GLIS1: variants seen among roughly 807,000 people sequenced by gnomAD.
GLIS1 encodes zinc finger protein GLIS1.
A neutral mutation model predicts 63.8 loss-of-function variants in GLIS1; 24 were observed. The observed-to-expected ratio is 0.38, with a 90% CI of 0.27 to 0.53. GLIS1 has a LOEUF of 0.53. Among genes scored for constraint, GLIS1 ranks in the 20% least tolerant of loss-of-function variants. GLIS1 has a pLI of 0.85. For synonymous variants in GLIS1, 450 were observed against 482.5 expected (o/e 0.93, Z 0.88); for missense variants, 1,036 against 1,074.1 (o/e 0.96, Z 0.50).
chr1:53,512,663 G>A (rs1048653403), intron 8 of GLIS1, among the ~76,000 whole-genome samples: 3 of 152,156 alleles, frequency 2.0e-5, no homozygotes, highest in Admixed American at 6.5e-5. Context: ...AGCTGGACCC[G>A]AGGCTCCTAC....
chr1:53,594,232 C>T lies in GLIS1; in HGVS notation c.1196G>A (p.Arg399His), dbSNP rs761232530. The change falls in exon 4 of 11, where the codon CGC becomes CAC. Residue 399 changes from arginine to histidine, a missense_variant. Physicochemically the swap from Arg to His is conservative, Grantham distance 29 (BLOSUM62 0). Coordinates refer to ENST00000628545, the MANE Select transcript of GLIS1 (RefSeq NM_001367484.1). ...RHIEKSHIDQ[R>H]KGEDFTCFWA... Reference sequence around the variant, plus strand: ...GAAGCAGGTGAAGTCCTCGCCCTTGCGCTGGTCGATGTGGCTCTTCTCGAT... The same window carrying T: ...GAAGCAGGTGAAGTCCTCGCCCTTGTGCTGGTCGATGTGGCTCTTCTCGAT... The T allele has an allele frequency of 2.1e-5, 34 of 1,613,762 alleles. No homozygotes were observed. In the Admixed American group the frequency reaches 2.3e-4, roughly 11 times the overall value.
intron 10 of GLIS1, among the ~76,000 whole-genome samples, chr1:53,507,186 C>T (rs2100238257): frequency 6.6e-6 from 1 of 152,320 alleles, no homozygotes; most frequent in East Asian, 1.9e-4. Context: ...ATCCCCCAAC[C>T]AGACTCAAGA....
At chr1:53,641,057 A>G (rs1645782222) in intron 2 of GLIS1, among the ~76,000 whole-genome samples, 1 of 152,148 alleles carries the variant, frequency 6.6e-6, no homozygotes, top group African/African-American at 2.4e-5. Flanking sequence ...AATGTAGAAA[A>G]GGGCCCATAC....
intron 2 of GLIS1, among the ~76,000 whole-genome samples, chr1:53,665,071 C>T (rs917871575): frequency 7.2e-5 from 11 of 151,920 alleles, no homozygotes; most frequent in African/African-American, 2.4e-4. Context: ...TGGAGGGTTC[C>T]GAGAGAGCCT....
chr1:53,533,016 G>C (rs1282418303), intron 4 of GLIS1, among the ~76,000 whole-genome samples: 1 of 152,274 alleles, frequency 6.6e-6, no homozygotes, highest in African/African-American at 2.4e-5. Context: ...CTCCACGCGT[G>C]ATCTGCAGGA....
intron 10 of GLIS1, among the ~76,000 whole-genome samples, chr1:53,507,023 G>A (rs540958424): frequency 1.2e-4 from 18 of 152,246 alleles, no homozygotes; most frequent in Admixed American, 7.2e-4. Flanking sequence ...AGACAGGCAC[G>A]GGGTTGACTC....
intron 2 of GLIS1, among the ~76,000 whole-genome samples, chr1:53,662,018 T>G (rs1646034200): frequency 6.6e-6 from 1 of 151,684 alleles, no homozygotes; most frequent in Non-Finnish European, 1.5e-5. Context: ...AGGGAGGGAG[T>G]GAGCTTCCTA....
intron 2 of GLIS1, among the ~76,000 whole-genome samples, chr1:53,693,002 T>A (rs1304490626): frequency 6.6e-6 from 1 of 152,182 alleles, no homozygotes; most frequent in African/African-American, 2.4e-5. Context: ...TCCATGTCCA[T>A]CTTTTCTGAA....
intron 2 of GLIS1, among the ~76,000 whole-genome samples, chr1:53,644,917 T>C (rs1048754056): frequency 6.6e-6 from 1 of 152,230 alleles, no homozygotes; most frequent in East Asian, 1.9e-4. Flanking sequence ...CTGTCTCGCT[T>C]ATTTGTTGGT....
intron 2 of GLIS1, among the ~76,000 whole-genome samples, chr1:53,628,377 A>T (rs1645618122): frequency 6.6e-6 from 1 of 152,136 alleles, no homozygotes; most frequent in African/African-American, 2.4e-5. Flanking sequence ...CAGCACCCTG[A>T]ACACCAGCAT....
At chr1:53,546,196 G>A (rs7523635) in intron 4 of GLIS1, among the ~76,000 whole-genome samples, 83,510 of 152,188 alleles carry the variant, frequency 0.55, 23,781 homozygotes, top group Middle Eastern at 0.64. Flanking sequence ...GAGGAGGCAG[G>A]GGGCTGGTGT....
At chr1:53,631,911 G>A (rs553271228) in intron 2 of GLIS1, among the ~76,000 whole-genome samples, 3 of 152,212 alleles carry the variant, frequency 2.0e-5, no homozygotes, top group Non-Finnish European at 4.4e-5. Flanking sequence ...TGTGGAGCAA[G>A]CCATAGAGCA....
intron 2 of GLIS1, among the ~76,000 whole-genome samples, chr1:53,686,734 G>C (rs1646340743): frequency 6.6e-6 from 1 of 151,900 alleles, no homozygotes; most frequent in Non-Finnish European, 1.5e-5. Flanking sequence ...CTCCAGCCAA[G>C]AAAAGAGTGA....
rs369635674 is a variant in GLIS1, at chr1:53,690,647, CAGGGCA to C, written c.259+47153_259+47158del. 4.5e-3 allele frequency among the ~76,000 whole-genome samples: 692 copies of C among 152,314 alleles called. 1 individual carries two copies. The highest frequency in any genetic ancestry group is 0.016 in the African/African-American group (677 of 41,568). On this transcript the variant is annotated intron_variant, in intron 2 of 10. Coordinates refer to ENST00000628545, the MANE Select transcript of GLIS1 (RefSeq NM_001367484.1). ...TCCCTCAGTCATCCAGAGAGGCAGG[CAGGGCA>C]GCGATGATTAACCCCTGTTTTCGGC... is the stretch of plus-strand genomic sequence containing the variant.
rs977277776 is a variant in GLIS1, at chr1:53,568,597, C to T, written c.1320+25511G>A. Among the ~76,000 whole-genome samples the T allele has an allele frequency of 6.6e-5, 10 of 152,170 alleles. No homozygotes were observed. In the East Asian group the frequency reaches 1.9e-3, roughly 29 times the overall value. On this transcript the variant is annotated intron_variant, in intron 4 of 10. Transcript: ENST00000628545. ...CCAAATTTCATCTCAAATTGTAATC[C>T]CCAGGTATCAGGGAAGGGGCCTGGT...
intron 2 of GLIS1, among the ~76,000 whole-genome samples, chr1:53,656,965 G>A (rs1036361796): frequency 1.3e-5 from 2 of 152,204 alleles, no homozygotes; most frequent in African/African-American, 2.4e-5. Context: ...TAACTGCAGA[G>A]GTCCGGAGGG....
At chr1:53,705,431 T>C (rs900641535) in intron 2 of GLIS1, among the ~76,000 whole-genome samples, 2 of 152,206 alleles carry the variant, frequency 1.3e-5, no homozygotes, top group Non-Finnish European at 2.9e-5. Flanking sequence ...AAAGTCAATG[T>C]TGCCAAAAGC....
chr1:53,546,754 C>T (rs1451263496), intron 4 of GLIS1, among the ~76,000 whole-genome samples: 5 of 152,208 alleles, frequency 3.3e-5, no homozygotes, highest in Admixed American at 3.3e-4. Context: ...CTTCTCCTGC[C>T]ACTTCATCTG....
At chr1:53,530,357 GCT>G (rs2100333510) in intron 4 of GLIS1, among the ~76,000 whole-genome samples, 1 of 152,338 alleles carries the variant, frequency 6.6e-6, no homozygotes, top group South Asian at 2.1e-4. Context: ...TCTGAACTGG[GCT>G]CTGTCCCAGA....
Sources: allele counts gnomAD v4.1 joint callset (sites outside exome capture counted in the v4.1 genomes callset), GRCh38; gene constraint gnomAD v4.1.1; transcripts MANE v1.5; gene names NCBI Gene and HGNC (gene_info 2026-07-23, HGNC 2026-07-21).